The following MRPS35 variants were observed in gnomAD, a reference collection of about 807,000 sequenced individuals.
The protein encoded by MRPS35 is small ribosomal subunit protein mS35.
MRPS35 carries 29 observed loss-of-function variants against 32.7 expected under a neutral mutation model. That is an observed-to-expected ratio of 0.89 (90% CI 0.66 to 1.21). The LOEUF is 1.21. MRPS35 is among the 50% of genes most tolerant of loss of function. MRPS35 has a pLI of 0.00. For synonymous variants in MRPS35, 148 were observed against 139.3 expected (o/e 1.06, Z -0.44); for missense variants, 373 against 383.8 (o/e 0.97, Z 0.23).
intron 7 of MRPS35, among the ~76,000 whole-genome samples, chr12:27,754,028 C>T (rs1456804770): frequency 6.6e-6 from 1 of 152,092 alleles, no homozygotes; most frequent in African/African-American, 2.4e-5. Context: ...CCAAGGCAGG[C>T]GGATCATTTG....
intron 4 of MRPS35, among the ~76,000 whole-genome samples, chr12:27,720,373 A>T (rs1037009354): frequency 6.6e-6 from 1 of 150,842 alleles, no homozygotes; most frequent in Non-Finnish European, 1.5e-5. Context: ...CAGCCTGGGC[A>T]ACAAGAGGGA....
At chr12:27,742,034 A>T (rs896532972) in intron 7 of MRPS35, among the ~76,000 whole-genome samples, 1 of 152,200 alleles carries the variant, frequency 6.6e-6, no homozygotes, top group Non-Finnish European at 1.5e-5. Flanking sequence ...AGGCTGGGGC[A>T]GGAGGATCTG....
intron 3 of MRPS35, among the ~76,000 whole-genome samples, chr12:27,718,860 G>A (rs1037349721): frequency 1.3e-5 from 2 of 152,186 alleles, no homozygotes; most frequent in Admixed American, 6.5e-5. Context: ...ACCAAGGCGG[G>A]CAGGTCACCT....
chr12:27,751,690 CTT>C lies in MRPS35; in HGVS notation c.703-3489_703-3488del, dbSNP rs140818402. 4.2e-4 allele frequency among the ~76,000 whole-genome samples: 64 copies of C among 152,314 alleles called. No individual in the cohort carries two copies. The East Asian group carries it at 6.4e-3, about 15-fold the overall frequency. ...CAGACGGACAGCTTTGGCTGTCTCT[CTT>C]TCTCTGGGCACCAGTGCCTGCACAA... On this transcript the variant is annotated intron_variant, in intron 7 of 7. Coordinates refer to ENST00000081029, the MANE Select transcript of MRPS35 (RefSeq NM_021821.4).
At chr12:27,747,071 A>G (rs1381209400) in intron 7 of MRPS35, among the ~76,000 whole-genome samples, 1 of 152,218 alleles carries the variant, frequency 6.6e-6, no homozygotes, top group Admixed American at 6.5e-5. Flanking sequence ...CCTTAGCATG[A>G]CATTCACAGC....
At chr12:27,754,203 G>C (rs528409466) in intron 7 of MRPS35, among the ~76,000 whole-genome samples, 1 of 152,266 alleles carries the variant, frequency 6.6e-6, no homozygotes, top group South Asian at 2.1e-4. Flanking sequence ...GCAGTGAGCT[G>C]AGATGGCCCC....
At chr12:27,753,760 T>C (rs932568779) in intron 7 of MRPS35, among the ~76,000 whole-genome samples, 1 of 152,192 alleles carries the variant, frequency 6.6e-6, no homozygotes, top group East Asian at 1.9e-4. Flanking sequence ...TGAACCAGGG[T>C]ATATTACTTA....
intron 7 of MRPS35, among the ~76,000 whole-genome samples, chr12:27,750,699 G>A (rs949658256): frequency 5.3e-5 from 8 of 152,134 alleles, no homozygotes; most frequent in African/African-American, 1.7e-4. Flanking sequence ...CAGCTACTCC[G>A]GAGGCTGAGG....
intron 5 of MRPS35, among the ~76,000 whole-genome samples, chr12:27,735,192 G>A (rs1469229892): frequency 6.6e-6 from 1 of 152,054 alleles, no homozygotes; most frequent in Non-Finnish European, 1.5e-5. Flanking sequence ...CAGATATGTC[G>A]TTAGTTCTTT....
chr12:27,728,696 A>G (rs1294387085), intron 5 of MRPS35, among the ~76,000 whole-genome samples: 6 of 152,084 alleles, frequency 3.9e-5, no homozygotes, highest in African/African-American at 1.5e-4. Context: ...TGGAATGGCA[A>G]ACAACCCCAC....
At chr12:27,728,688 G>C (rs934480863) in intron 5 of MRPS35, among the ~76,000 whole-genome samples, 3 of 152,014 alleles carry the variant, frequency 2.0e-5, no homozygotes, top group African/African-American at 7.3e-5. Flanking sequence ...ATGTTATCTG[G>C]AATGGCAAAC....
intron 5 of MRPS35, among the ~76,000 whole-genome samples, chr12:27,734,634 G>A (rs575058419): frequency 3.9e-5 from 6 of 152,128 alleles, no homozygotes; most frequent in Non-Finnish European, 8.8e-5. Context: ...ATTTGTTCTA[G>A]CACTTCCCAA....
chr12:27,744,050 C>T (rs547557340), intron 7 of MRPS35, among the ~76,000 whole-genome samples: 2 of 152,152 alleles, frequency 1.3e-5, no homozygotes, highest in Non-Finnish European at 2.9e-5. Flanking sequence ...TTCAAGACTT[C>T]GACCTGCTTT....
chr12:27,711,760 C>G (rs1403108861), intron 1 of MRPS35, among the ~76,000 whole-genome samples: 2 of 151,054 alleles, frequency 1.3e-5, no homozygotes, highest in Non-Finnish European at 1.5e-5. Context: ...AAATTTAGAT[C>G]TTGTCTTGCT....
intron 1 of MRPS35, among the ~76,000 whole-genome samples, chr12:27,713,970 G>A (rs1449955042): frequency 2.6e-5 from 4 of 151,506 alleles, no homozygotes; most frequent in African/African-American, 9.7e-5. Flanking sequence ...GCTACTTGGG[G>A]TGCTGAGGTA....
At chr12:27,716,244 A>G in intron 2 of MRPS35, 47 bp from the exon 3 acceptor site, 1 of 1,427,912 alleles carries the variant, frequency 7.0e-7, no homozygotes, top group Non-Finnish European at 9.3e-7. Flanking sequence ...TTAAGAATTA[A>G]AGAATGTGTT....
chr12:27,750,478 A>G (rs887500725), intron 7 of MRPS35, among the ~76,000 whole-genome samples: 2 of 152,222 alleles, frequency 1.3e-5, no homozygotes, highest in African/African-American at 4.8e-5. Flanking sequence ...TCAGCTGTGC[A>G]GAGTTTGGAT....
At chr12:27,716,714 G>A (rs567101599) in intron 3 of MRPS35, among the ~76,000 whole-genome samples, 4 of 152,326 alleles carry the variant, frequency 2.6e-5, no homozygotes, top group African/African-American at 4.8e-5. Context: ...TTGGCTGGGC[G>A]CAGTGGCTCA....
At chr12:27,716,192 A>C (rs1209921399) in intron 2 of MRPS35, 99 bp from the exon 3 acceptor site, 1 of 1,208,984 alleles carries the variant, frequency 8.3e-7, no homozygotes, top group Non-Finnish European at 1.1e-6. Context: ...TTTTGCTTCT[A>C]TTTCTTGTAA....
Sources: gnomAD v4.1 joint callset for allele counts (sites outside exome capture counted in the v4.1 genomes callset) on GRCh38, gnomAD v4.1.1 for gene constraint, MANE v1.5 for transcripts, NCBI Gene and HGNC (gene_info 2026-07-23, HGNC 2026-07-21) for gene names.